The following USP39 variants were observed in gnomAD, a reference collection of about 807,000 sequenced individuals.
The protein encoded by USP39 is ubiquitin specific peptidase 39, also known as ubiquitin carboxyl-terminal hydrolase 39.
Under a neutral mutation model 66.4 loss-of-function variants are expected in USP39, and 38 were observed. The ratio of observed to expected loss-of-function variants is 0.57; its 90% CI spans 0.44 to 0.75. The LOEUF (loss-of-function observed/expected upper bound fraction) is 0.75. Among genes scored for constraint, USP39 ranks in the 30% least tolerant of loss-of-function variants. USP39 has a pLI of 0.00. For missense variants in USP39, 608 were observed against 714.4 expected (o/e 0.85, Z 1.70); for synonymous variants, 303 against 274.6 (o/e 1.10, Z -1.02).
chr2:85,619,382 CTT>C (rs1674276801), intron 2 of USP39, 93 bp downstream of exon 2: 16 of 1,384,476 alleles, frequency 1.2e-5, no homozygotes, highest in African/African-American at 4.3e-5. Context: ...CATTGACAAA[CTT>C]TACTTTTTTT....
upstream of USP39, chr2:85,611,468 C>CT (rs1406958229): frequency 1.9e-6 from 3 of 1,547,304 alleles, no homozygotes; most frequent in Non-Finnish European, 2.6e-6. Context: ...GACAGCGATG[C>CT]TTAACTGGGG....
intron 3 of USP39, among the ~76,000 whole-genome samples, chr2:85,623,309 T>C (rs1177720450): frequency 6.6e-6 from 1 of 151,152 alleles, no homozygotes; most frequent in African/African-American, 2.4e-5. Flanking sequence ...GTTTCATGTA[T>C]ATAGGAAACT....
At chr2:85,609,467 T>C (rs1673362348), upstream of USP39, 1 of 1,614,126 alleles carries the variant, frequency 6.2e-7, no homozygotes, top group African/African-American at 1.3e-5. Context: ...ACCTCTCCAC[T>C]GTCTGCCTCG....
intron 1 of USP39, among the ~76,000 whole-genome samples, chr2:85,606,290 C>T (rs1235030332): frequency 6.6e-6 from 1 of 152,202 alleles, no homozygotes; most frequent in African/African-American, 2.4e-5. Context: ...GCCACAGCAC[C>T]GGACAGTGTT....
chr2:85,615,209 T>C (rs1383718560), upstream of USP39, among the ~76,000 whole-genome samples: 8 of 152,208 alleles, frequency 5.3e-5, no homozygotes, highest in Admixed American at 1.3e-4. Flanking sequence ...TTAGTAGAGA[T>C]GGGGTTTCAC....
chr2:85,616,036 A>G, upstream of USP39: 2 of 1,275,360 alleles, frequency 1.6e-6, no homozygotes, highest in Admixed American at 7.8e-5. Context: ...AAGCCAGTGC[A>G]GGAACAGCAC....
At chr2:85,608,779 T>G (rs1202601489), upstream of USP39, 4 of 573,002 alleles carry the variant, frequency 7.0e-6, no homozygotes, top group East Asian at 1.4e-4. Context: ...TAAGAAAGAA[T>G]GACTGCAAGG....
chr2:85,604,334 C>T (rs918508523), intron 1 of USP39, among the ~76,000 whole-genome samples: 3 of 152,086 alleles, frequency 2.0e-5, no homozygotes, highest in East Asian at 1.9e-4. Context: ...CTCAGCCTCC[C>T]GAGTAGCTGG....
chr2:85,645,345 T>C (rs538780327), intron 11 of USP39: 5 of 304,362 alleles, frequency 1.6e-5, no homozygotes, highest in Non-Finnish European at 2.4e-5. Flanking sequence ...GGCGTGATCT[T>C]GGCTCACTGC....
At chr2:85,644,714 CCTGT>C (rs1676510421) in intron 10 of USP39, among the ~76,000 whole-genome samples, 1 of 151,992 alleles carries the variant, frequency 6.6e-6, no homozygotes, top group South Asian at 2.1e-4. Flanking sequence ...TGAGCCACTG[CCTGT>C]CATTCTTTTT....
upstream of USP39, among the ~76,000 whole-genome samples, chr2:85,614,038 G>T (rs1042015886): frequency 4.6e-5 from 7 of 152,044 alleles, no homozygotes; most frequent in African/African-American, 1.7e-4. Context: ...CAAAGTGCTG[G>T]GATTATAAGT....
intron 8 of USP39, among the ~76,000 whole-genome samples, chr2:85,637,706 CTTTT>C (rs895305378): frequency 3.3e-5 from 5 of 152,116 alleles, no homozygotes; most frequent in African/African-American, 7.2e-5. Flanking sequence ...GCTAAGCTTT[CTTTT>C]TGTTTTTCTT....
intron 4 of USP39, among the ~76,000 whole-genome samples, chr2:85,624,406 TGC>T (rs1484138458): frequency 6.6e-6 from 1 of 151,956 alleles, no homozygotes; most frequent in Non-Finnish European, 1.5e-5. Flanking sequence ...AGTGCAGTGG[TGC>T]CATCACAGCT....
chr2:85,638,117 GT>G (rs1357834297), intron 8 of USP39, among the ~76,000 whole-genome samples: 2 of 152,036 alleles, frequency 1.3e-5, no homozygotes, highest in Non-Finnish European at 2.9e-5. Flanking sequence ...CACCTCCCAG[GT>G]TCAAACCATT....
In USP39 at chr2:85,640,843, C is replaced by T. The variant is rs368394281; in HGVS notation, c.1285-133C>T. 3.7e-4 allele frequency: 202 copies of T among 550,230 alleles called. 1 individual carries two copies. The African/African-American group carries it at 3.8e-3, about 10-fold the overall frequency. 34.1% of individuals were successfully genotyped at this position (550,230 alleles called of 1,614,324 possible). ...ATCCTAAGCCTCATACATAATTTCTCGGACCAGGAGTCTTGTGAACTTAAG... is the reference window on the plus strand; with the variant it reads ...ATCCTAAGCCTCATACATAATTTCTTGGACCAGGAGTCTTGTGAACTTAAG... On this transcript the variant is annotated intron_variant, in intron 9 of 12. Transcript: ENST00000323701.
At chr2:85,608,701 CAAAAAAAAAAAAAAAAA>C (rs5832651), upstream of USP39, 2 of 54,714 alleles carry the variant, frequency 3.7e-5, no homozygotes, top group Admixed American at 3.5e-4. Context: ...ACAAAATCCT[CAAAAAAAAAAAAAAAAA>C]AAAAAAAAAA....
chr2:85,636,045 T>C lies in USP39; in HGVS notation c.950-8T>C, dbSNP rs755025970. On this transcript the variant is annotated splice_region_variant and splice_polypyrimidine_tract_variant and intron_variant, in intron 6 of 12. Coordinates refer to ENST00000323701, the MANE Select transcript of USP39 (RefSeq NM_006590.4). ...CTTCAACGTTTTCCACCCTTCCTTT[T>C]TTTCCAGGAGATGGCGTTGACTTTC... 1.2e-6 allele frequency: 2 copies of C among 1,614,032 alleles called. No homozygotes were observed. The highest frequency in any genetic ancestry group is 4.5e-5 in the East Asian group (2 of 44,896).
chr2:85,612,157 G>T, upstream of USP39: 1 of 886,088 alleles, frequency 1.1e-6, no homozygotes, highest in Non-Finnish European at 1.7e-6. Context: ...GGGTCTGGTC[G>T]GGTCGGGTGG....
At chr2:85,619,065 C>G (rs374630131) in intron 1 of USP39, among the ~76,000 whole-genome samples, 155 bp from the exon 2 acceptor site, 1 of 152,146 alleles carries the variant, frequency 6.6e-6, no homozygotes, top group African/African-American at 2.4e-5. Context: ...GCTACCGCGC[C>G]CGGCTAGTGG....
Sources: allele counts gnomAD v4.1 joint callset (sites outside exome capture counted in the v4.1 genomes callset), GRCh38; gene constraint gnomAD v4.1.1; transcripts MANE v1.5; gene names NCBI Gene and HGNC (gene_info 2026-07-23, HGNC 2026-07-21).